Variants in GALNT2 observed in about 807,000 individuals in gnomAD.
The protein encoded by GALNT2 is UDP-GalNAc:polypeptide N-acetylgalactosaminyltransferase 2.
In GALNT2, 31 loss-of-function variants were observed where a neutral mutation model predicts 81.4. That is an observed-to-expected ratio of 0.38 (90% CI 0.29 to 0.51). GALNT2 has a LOEUF of 0.51. GALNT2 is among the 20% of genes least tolerant of loss of function. The pLI is 0.87. For missense variants in GALNT2, 629 were observed against 765.7 expected, an observed-to-expected ratio of 0.82 and a Z score of 2.11; for synonymous variants, 303 against 287.4, an observed-to-expected ratio of 1.05 and a Z score of -0.55.
At position 230,067,385 on chromosome 1, in the gene GALNT2, GGGC is replaced by G; in HGVS notation, c.113_115del (p.Gly38del). On this transcript the variant is annotated inframe_deletion, in exon 1 of 16. Coordinates refer to ENST00000366672, the MANE Select transcript of GALNT2 (RefSeq NM_004481.5). The stretch of plus-strand genomic sequence containing the variant: ...GCGGCTCTGCGCTGGCCGGGGGCGC[GGGC>G]GGCGGCGCCGGCAGGAAGGTGAGTG... The G allele has an allele frequency of 7.8e-7, 1 of 1,274,066 alleles. No homozygotes were observed. Among genetic ancestry groups the G allele is most frequent in the Non-Finnish European group, 1.0e-6 (1 of 1,003,898 alleles). The allele number at this position is 1,274,066 out of a possible 1,614,324, so 78.9% of individuals were successfully genotyped here. A position where few individuals can be genotyped will look rare whatever the true frequency, so the allele number is the denominator to read the frequency against.
chr1:230,236,508 C>G (rs986004736), intron 5 of GALNT2, 88 bp downstream of exon 5: 1 of 1,463,744 alleles, frequency 6.8e-7, no homozygotes, highest in African/African-American at 1.4e-5. Context: ...GAGGCGTGAA[C>G]AAGCCAGAAA....
intron 2 of GALNT2, among the ~76,000 whole-genome samples, chr1:230,189,562 G>T (rs1452426629): frequency 6.6e-6 from 1 of 152,218 alleles, no homozygotes; most frequent in Non-Finnish European, 1.5e-5. Context: ...CATTGCTGCA[G>T]CATCAGAGAG....
intron 3 of GALNT2, among the ~76,000 whole-genome samples, chr1:230,210,475 G>A (rs1572091027): frequency 6.6e-6 from 1 of 152,200 alleles, no homozygotes; most frequent in East Asian, 1.9e-4. Context: ...TTTAAAATGT[G>A]GGGTTTTGAA....
chr1:230,120,135 C>G (rs375483642), intron 1 of GALNT2, among the ~76,000 whole-genome samples: 16 of 150,040 alleles, frequency 1.1e-4, no homozygotes, highest in African/African-American at 3.9e-4. Context: ...ACACTGCAGT[C>G]CTCACTAGCC....
chr1:230,178,335 A>T, intron 2 of GALNT2, 24 bp downstream of exon 2: 1 of 1,587,194 alleles, frequency 6.3e-7, no homozygotes, highest in Non-Finnish European at 8.6e-7. Context: ...CCAGGAAGCC[A>T]TCTTGCTTTG....
chr1:230,154,964 T>C (rs1381915321), intron 1 of GALNT2, among the ~76,000 whole-genome samples: 1 of 152,150 alleles, frequency 6.6e-6, no homozygotes, highest in Non-Finnish European at 1.5e-5. Flanking sequence ...CCCCTTGCAG[T>C]TCTAATATTT....
chr1:230,188,686 G>C (rs1161488357), intron 2 of GALNT2, among the ~76,000 whole-genome samples: 2 of 152,062 alleles, frequency 1.3e-5, no homozygotes, highest in Non-Finnish European at 2.9e-5. Context: ...GTCTACTGTG[G>C]ATGAGTTTTT....
intron 1 of GALNT2, among the ~76,000 whole-genome samples, chr1:230,077,470 A>G (rs1189794524): frequency 1.3e-5 from 2 of 152,248 alleles, no homozygotes; most frequent in Admixed American, 6.5e-5. Flanking sequence ...AACACTGTCC[A>G]TTGACCTGTG....
chr1:230,228,321 G>A (rs956483627), intron 3 of GALNT2, among the ~76,000 whole-genome samples: 1 of 152,016 alleles, frequency 6.6e-6, no homozygotes, highest in Non-Finnish European at 1.5e-5. Context: ...AAAAGCAAAT[G>A]GTCACAAATA....
rs527906095 is a variant in GALNT2 at position 230,129,972 on chromosome 1, G to A, written c.127-48246G>A. On this transcript the variant is annotated intron_variant, in intron 1 of 15. Coordinates refer to ENST00000366672, the MANE Select transcript of GALNT2 (RefSeq NM_004481.5). ...AGGCATCACCCGTCTGCTGAAGTAC[G>A]CTGAACGGGCACAATTGCAGGATTA... Among the ~76,000 whole-genome samples the A allele has an allele frequency of 1.4e-4, 22 of 152,330 alleles. No homozygotes were observed. The South Asian group carries it at 3.9e-3, about 27-fold the overall frequency.
At chr1:230,127,107 C>T (rs969224924) in intron 1 of GALNT2, among the ~76,000 whole-genome samples, 3 of 152,172 alleles carry the variant, frequency 2.0e-5, no homozygotes, top group Non-Finnish European at 4.4e-5. Flanking sequence ...AACGTCCCCC[C>T]CTCCCATTGC....
Position 230,267,927 on chromosome 1 carries a change from G to T in GALNT2, c.1440+2560G>T, listed in dbSNP as rs1475047033. On this transcript the variant is annotated intron_variant, in intron 14 of 15. Coordinates refer to ENST00000366672, the MANE Select transcript of GALNT2 (RefSeq NM_004481.5). ...CAGAGGTGATGGAGGGCGCCGTGCG[G>T]TGCTGCTGTGGGTCCCGCTGTGGTC... Among the ~76,000 whole-genome samples the T allele has an allele frequency of 2.6e-5, 4 of 152,366 alleles. No individual in the cohort carries two copies. The East Asian group carries it at 7.7e-4, about 29-fold the overall frequency.
Position 230,246,105 on chromosome 1 carries a change from A to G in GALNT2, c.772A>G (p.Met258Val). ...GTCACCCATCATCGATGTCATTAAT[A>G]TGGACAACTTTCAGTATGTGGGGGC... ...VVSPIIDVINMDNFQYVGASA... is the reference protein window; with the variant it reads ...VVSPIIDVINVDNFQYVGASA... Residue 258 changes from methionine to valine, a missense_variant, in exon 8 of 16, where the codon ATG becomes GTG. Physicochemically the swap from Met to Val is conservative, Grantham distance 21. Transcript: ENST00000366672. 1.9e-6 allele frequency: 3 copies of G among 1,614,122 alleles called. No homozygotes were observed. Among genetic ancestry groups the G allele is most frequent in the Non-Finnish European group, 2.5e-6 (3 of 1,180,010 alleles).
intron 1 of GALNT2, among the ~76,000 whole-genome samples, chr1:230,120,152 A>G (rs574316264): frequency 1.9e-5 from 2 of 104,516 alleles, no homozygotes; most frequent in South Asian, 3.6e-4. Flanking sequence ...AGCCTCTTGC[A>G]TGCGTTGGGG....
intron 14 of GALNT2, among the ~76,000 whole-genome samples, chr1:230,267,971 G>C (rs891467212): frequency 6.6e-6 from 1 of 152,342 alleles, no homozygotes; most frequent in East Asian, 1.9e-4. Flanking sequence ...ACTGGAGGAG[G>C]CGTCTCCGCT....
intron 1 of GALNT2, among the ~76,000 whole-genome samples, chr1:230,092,184 T>TTTTTTTTTTTTTTTTG (rs1553311877): frequency 5.9e-5 from 7 of 119,600 alleles, no homozygotes; most frequent in South Asian, 3.0e-4. Context: ...TAGTTTTTTT[T>TTTTTTTTTTTTTTTTG]TTTTTTTTTT....
chr1:230,203,181 G>A lies in GALNT2; in HGVS notation c.265G>A (p.Gly89Arg), dbSNP rs778993510. The A allele has an allele frequency of 2.0e-5, 32 of 1,614,054 alleles. No homozygotes were observed. The change falls in exon 3 of 16, where the codon GGG becomes AGG. Residue 89 changes from glycine (G) to arginine (R), a missense_variant. By Grantham distance (125) the Gly-to-Arg change is moderately radical (BLOSUM62 -2). This residue lies in a region of GALNT2 where 360 missense variants were observed against 492.8 expected (regional missense o/e 0.73). Coordinates refer to ENST00000366672, the MANE Select transcript of GALNT2 (RefSeq NM_004481.5). ...CTTTAACCAGGAAGCTTATGTTGGA[G>A]GGACGATGGTCCGCTCCGGGCAGGA... ...PDFNQEAYVG[G>R]TMVRSGQDPY... is the part of the protein sequence containing the mutation.
At chr1:230,199,491 A>G (rs1451998271) in intron 2 of GALNT2, among the ~76,000 whole-genome samples, 1 of 152,196 alleles carries the variant, frequency 6.6e-6, no homozygotes, top group Admixed American at 6.5e-5. Context: ...GATACCTAAA[A>G]CAAAAATAGA....
chr1:230,203,931 C>T (rs1013412776), intron 3 of GALNT2, among the ~76,000 whole-genome samples: 13 of 151,568 alleles, frequency 8.6e-5, no homozygotes, highest in African/African-American at 2.9e-4. Flanking sequence ...CTCAAGCAAT[C>T]CTCCCATCTC....
Sources: allele counts gnomAD v4.1 joint callset (sites outside exome capture counted in the v4.1 genomes callset), GRCh38; gene constraint gnomAD v4.1.1; regional missense constraint gnomAD v4.1.1; transcripts MANE v1.5; gene names NCBI Gene and HGNC (gene_info 2026-07-23, HGNC 2026-07-21).